CDIN1: variants seen among roughly 807,000 people sequenced by gnomAD.
CDIN1 encodes CDAN1-interacting nuclease 1.
Under a neutral mutation model 45.3 loss-of-function variants are expected in CDIN1, and 33 were observed. That is an observed-to-expected ratio of 0.73 (90% CI 0.55 to 0.97). The LOEUF (loss-of-function observed/expected upper bound fraction) is 0.97, where lower values mean the gene tolerates loss of function less well. CDIN1 is among the 50% of genes least tolerant of loss of function. The pLI, the probability that CDIN1 is intolerant of heterozygous loss-of-function variation, is 0.00. For missense variants in CDIN1, 303 were observed against 339.4 expected, an observed-to-expected ratio of 0.89 and a Z score of 0.84; for synonymous variants, 118 against 124.4, an observed-to-expected ratio of 0.95 and a Z score of 0.34.
rs1183096241 is a variant in CDIN1 at position 36,748,472 on chromosome 15, C to A, written c.716+38511C>A. The stretch of plus-strand genomic sequence containing the variant: ...GGTGCACTAACAAACTGTCTCCTTG[C>A]CCAACAAAGTTTGCCTCCAGCAGAG... On this transcript the variant is annotated intron_variant, in intron 10 of 10. Transcript: ENST00000566621. Among the ~76,000 whole-genome samples the A allele has an allele frequency of 4.6e-5, 7 of 152,184 alleles. No homozygotes were observed. In the East Asian group the frequency reaches 5.8e-4, roughly 13 times the overall value.
At chr15:36,601,326 C>T (rs1310306516) in intron 1 of CDIN1, among the ~76,000 whole-genome samples, 1 of 152,112 alleles carries the variant, frequency 6.6e-6, no homozygotes, top group Non-Finnish European at 1.5e-5. Flanking sequence ...GAGATTTGTC[C>T]TTTTTCTATA....
intron 4 of CDIN1, among the ~76,000 whole-genome samples, chr15:36,655,605 G>A (rs898166645): frequency 1.3e-5 from 2 of 152,158 alleles, no homozygotes; most frequent in Non-Finnish European, 2.9e-5. Flanking sequence ...GATTACAGGC[G>A]TGAGCCACCA....
At chr15:36,675,949 CT>C (rs900043260) in intron 5 of CDIN1, among the ~76,000 whole-genome samples, 1 of 151,360 alleles carries the variant, frequency 6.6e-6, no homozygotes, top group African/African-American at 2.4e-5. Context: ...AGAATTTTGA[CT>C]TTTTTTTTGG....
chr15:36,643,686 A>G (rs553359477), intron 1 of CDIN1, among the ~76,000 whole-genome samples: 237 of 152,288 alleles, frequency 1.6e-3, no homozygotes, highest in Non-Finnish European at 2.8e-3. Flanking sequence ...AATAAGGCTT[A>G]GGGCAGTCTT....
intron 1 of CDIN1, among the ~76,000 whole-genome samples, chr15:36,592,350 A>AT (rs2037618363): frequency 2.0e-5 from 3 of 152,178 alleles, no homozygotes; most frequent in Admixed American, 2.0e-4. Flanking sequence ...AAATTGGCAA[A>AT]TGGTACAACC....
intron 1 of CDIN1, chr15:36,617,049 G>A: frequency 1.3e-6 from 1 of 767,292 alleles, no homozygotes; most frequent in Non-Finnish European, 2.4e-6. Context: ...GCCAGTTAGA[G>A]TTGCAGCTGT....
chr15:36,673,950 C>T (rs913168992), intron 5 of CDIN1, among the ~76,000 whole-genome samples: 4 of 151,818 alleles, frequency 2.6e-5, no homozygotes, highest in African/African-American at 9.7e-5. Context: ...CTGAAAGTAA[C>T]GGAATTTTTC....
chr15:36,760,829 G>A (rs1160652488), intron 10 of CDIN1, among the ~76,000 whole-genome samples: 1 of 152,132 alleles, frequency 6.6e-6, no homozygotes, highest in African/African-American at 2.4e-5. Flanking sequence ...AAGTCAAAGG[G>A]ATCACAGAGT....
intron 10 of CDIN1, among the ~76,000 whole-genome samples, chr15:36,721,074 T>G (rs574580628): frequency 6.8e-6 from 1 of 147,638 alleles, no homozygotes; most frequent in Non-Finnish European, 1.5e-5. Flanking sequence ...CATAAATGTC[T>G]TCTTTTGAGA....
intron 3 of CDIN1, among the ~76,000 whole-genome samples, chr15:36,650,292 A>C (rs1312628572): frequency 6.6e-6 from 1 of 152,228 alleles, no homozygotes; most frequent in Non-Finnish European, 1.5e-5. Context: ...GCGTTAGTAC[A>C]GTGTGAAAGA....
In CDIN1 at chr15:36,809,066, T is replaced by G; in HGVS notation, c.*613T>G. On this transcript the variant is annotated 3_prime_UTR_variant, in exon 11 of 11. Coordinates refer to ENST00000566621, the MANE Select transcript of CDIN1 (RefSeq NM_001321759.2). ...TTTGCTATATTCAATCTTTACGGCTTCCTGACTTCTGTGACAGTAAGCCAA... is the reference window on the plus strand; with the variant it reads ...TTTGCTATATTCAATCTTTACGGCTGCCTGACTTCTGTGACAGTAAGCCAA... 2.6e-6 allele frequency: 1 copy of G among 390,262 alleles called. No homozygotes were observed. The highest frequency in any genetic ancestry group is 3.1e-5 in the Admixed American group (1 of 32,564). 24.2% of individuals were successfully genotyped at this position (390,262 alleles called of 1,614,324 possible).
chr15:36,619,720 T>C (rs945455088), intron 1 of CDIN1, among the ~76,000 whole-genome samples: 2 of 152,084 alleles, frequency 1.3e-5, no homozygotes, highest in African/African-American at 4.8e-5. Flanking sequence ...TCTGTAAAAT[T>C]AGAAATTACT....
chr15:36,720,510 G>A (rs116724331), intron 10 of CDIN1, among the ~76,000 whole-genome samples: 334 of 142,078 alleles, frequency 2.4e-3, no homozygotes, highest in African/African-American at 7.9e-3. Context: ...TCCCACCTAC[G>A]GGTGAGAATA....
chr15:36,674,484 A>G (rs918262689), intron 5 of CDIN1, among the ~76,000 whole-genome samples: 2 of 152,154 alleles, frequency 1.3e-5, no homozygotes, highest in Non-Finnish European at 2.9e-5. Context: ...TCAAGCTTCA[A>G]TTATGATTCC....
intron 10 of CDIN1, among the ~76,000 whole-genome samples, chr15:36,793,149 A>G (rs966140703): frequency 6.6e-6 from 1 of 152,070 alleles, no homozygotes; most frequent in African/African-American, 2.4e-5. Context: ...GAGCTACCCC[A>G]GGGCCTTCTG....
chr15:36,766,346 G>T (rs995474224), intron 10 of CDIN1, among the ~76,000 whole-genome samples: 2 of 152,148 alleles, frequency 1.3e-5, no homozygotes. Flanking sequence ...TAGTTACTGT[G>T]AATATTGCTG....
chr15:36,752,749 C>T (rs1226133564), intron 10 of CDIN1, among the ~76,000 whole-genome samples: 1 of 152,186 alleles, frequency 6.6e-6, no homozygotes, highest in Admixed American at 6.5e-5. Flanking sequence ...TATTGTTCAT[C>T]TTCCAAACTT....
Position 36,801,347 on chromosome 15 carries a change from T to TA in CDIN1, c.717-6971dup, listed in dbSNP as rs573811946. 3.3e-3 allele frequency among the ~76,000 whole-genome samples: 509 copies of TA among 152,164 alleles called. 14 individuals carry two copies. Among genetic ancestry groups the TA allele is most frequent in the Non-Finnish European group, 8.1e-4 (55 of 67,986 alleles). On this transcript the variant is annotated intron_variant, in intron 10 of 10. Transcript: ENST00000566621. Reference sequence around the variant, plus strand: ...AAAGAGATGTAAAAGCATACTAGTTTAAAAAATATATGTAGTGGTTTTCTC... The same window carrying TA: ...AAAGAGATGTAAAAGCATACTAGTTTAAAAAAATATATGTAGTGGTTTTCTC...
chr15:36,584,877 A>C (rs1483075871), intron 1 of CDIN1, among the ~76,000 whole-genome samples: 1 of 152,224 alleles, frequency 6.6e-6, no homozygotes, highest in African/African-American at 2.4e-5. Flanking sequence ...AAAAATACTC[A>C]TCAACTTTAT....
Sources: allele counts gnomAD v4.1 joint callset (sites outside exome capture counted in the v4.1 genomes callset), GRCh38; gene constraint gnomAD v4.1.1; transcripts MANE v1.5; gene names NCBI Gene and HGNC (gene_info 2026-07-23, HGNC 2026-07-21).